Variants in NFKB1 observed in about 807,000 individuals in gnomAD.
NFKB1 encodes the protein nuclear factor NF-kappa-B p105 subunit.
NFKB1 carries 9 observed loss-of-function variants against 105.1 expected under a neutral mutation model. That is an observed-to-expected ratio of 0.09 (90% confidence interval 0.05 to 0.15). NFKB1 has a LOEUF of 0.15. Ranked by LOEUF, NFKB1 falls within the 10% of genes least tolerant of loss-of-function variation. The pLI, the probability that NFKB1 is intolerant of heterozygous loss-of-function variation, is 1.00. For missense variants in NFKB1, 830 were observed against 1,203.7 expected, an observed-to-expected ratio of 0.69 and a Z score of 4.59; for synonymous variants, 440 against 442.2, an observed-to-expected ratio of 1.00 and a Z score of 0.06.
intron 1 of NFKB1, among the ~76,000 whole-genome samples, chr4:102,513,332 C>G (rs1037085601): frequency 2.0e-5 from 3 of 152,192 alleles, no homozygotes; most frequent in Non-Finnish European, 4.4e-5. Flanking sequence ...GAGAACTTCT[C>G]TAGCTCTACA....
intron 13 of NFKB1, among the ~76,000 whole-genome samples, chr4:102,595,535 T>G (rs541577410): frequency 1.3e-5 from 2 of 152,360 alleles, no homozygotes; most frequent in East Asian, 3.9e-4. Flanking sequence ...TCATGACTGC[T>G]CTATATGGAA....
chr4:102,558,400 A>G (rs13124438), intron 5 of NFKB1, among the ~76,000 whole-genome samples: 1 of 152,162 alleles, frequency 6.6e-6, no homozygotes, highest in Non-Finnish European at 1.5e-5. Context: ...TCATTTCTGC[A>G]TAGTATTCAA....
chr4:102,577,178 G>C (rs1724894592), intron 7 of NFKB1, 139 bp downstream of exon 7: 7 of 827,738 alleles, frequency 8.5e-6, no homozygotes, highest in Non-Finnish European at 1.3e-5. Flanking sequence ...AGAAACCTTT[G>C]ATGGCATCCT....
intron 16 of NFKB1, among the ~76,000 whole-genome samples, chr4:102,602,678 A>T (rs1727288543): frequency 1.3e-5 from 2 of 152,172 alleles, no homozygotes; most frequent in South Asian, 4.1e-4. Flanking sequence ...ACCATTTTTC[A>T]TTCAATATAA....
At chr4:102,547,668 T>C (rs755629797) in intron 5 of NFKB1, among the ~76,000 whole-genome samples, 6 of 152,224 alleles carry the variant, frequency 3.9e-5, no homozygotes, top group Non-Finnish European at 8.8e-5. Context: ...TCTATTTTTA[T>C]ATAACCAAAT....
chr4:102,598,563 ATGTGGTATAAC>A (rs1726844099), intron 15 of NFKB1, among the ~76,000 whole-genome samples: 1 of 152,202 alleles, frequency 6.6e-6, no homozygotes, highest in South Asian at 2.1e-4. Flanking sequence ...GTAACCAAGG[ATGTGGTATAAC>A]CACTGGCCTT....
At chr4:102,571,557 T>C (rs539845667) in intron 6 of NFKB1, among the ~76,000 whole-genome samples, 1 of 152,274 alleles carries the variant, frequency 6.6e-6, no homozygotes, top group Non-Finnish European at 1.5e-5. Flanking sequence ...ACCTACAGAA[T>C]GGGAGAAAAT....
chr4:102,595,146 T>A (rs1726502605), intron 13 of NFKB1, among the ~76,000 whole-genome samples, 165 bp downstream of exon 13: 1 of 152,232 alleles, frequency 6.6e-6, no homozygotes, highest in Non-Finnish European at 1.5e-5. Context: ...TTATTTCCTG[T>A]GGCTAGTATA....
rs1420578617 is a variant in NFKB1 at position 102,613,587 on chromosome 4, A to C, written c.2749+6A>C. On this transcript the variant is annotated splice_donor_region_variant and intron_variant, in intron 23 of 23. Coordinates refer to ENST00000226574, the MANE Select transcript of NFKB1 (RefSeq NM_003998.4). ...CTCCACAAGGCAGCAAATAGGTAAA[A>C]AAAAAGACAAAAGACAGTGGAGATA... is the stretch of plus-strand genomic sequence containing the variant. The C allele has an allele frequency of 1.9e-6, 3 of 1,611,316 alleles. No homozygotes were observed. In the South Asian group the frequency reaches 3.3e-5, roughly 18 times the overall value.
At chr4:102,505,862 T>A (rs72929576) in intron 1 of NFKB1, among the ~76,000 whole-genome samples, 1 of 151,122 alleles carries the variant, frequency 6.6e-6, no homozygotes, top group Non-Finnish European at 1.5e-5. Flanking sequence ...ATGAATGATA[T>A]GAAGTTGTTG....
At chr4:102,569,669 A>C (rs1040853509) in intron 6 of NFKB1, among the ~76,000 whole-genome samples, 1 of 152,150 alleles carries the variant, frequency 6.6e-6, no homozygotes, top group Non-Finnish European at 1.5e-5. Flanking sequence ...TGAGAAGACA[A>C]ATAACTTTTA....
chr4:102,504,020 C>A (rs1240455896), intron 1 of NFKB1, among the ~76,000 whole-genome samples: 1 of 152,210 alleles, frequency 6.6e-6, no homozygotes, highest in East Asian at 1.9e-4. Flanking sequence ...TTATTTTTAC[C>A]TAATTTATGA....
At chr4:102,579,124 G>A (rs897483705) in intron 8 of NFKB1, 85 bp downstream of exon 8, 7 of 1,394,698 alleles carry the variant, frequency 5.0e-6, no homozygotes, top group Non-Finnish European at 4.9e-6. Context: ...TGAGTCCTGG[G>A]GAAGGTAACT....
chr4:102,611,456 T>C (rs1728406007), intron 20 of NFKB1, among the ~76,000 whole-genome samples: 1 of 152,272 alleles, frequency 6.6e-6, no homozygotes, highest in South Asian at 2.1e-4. Context: ...CTTACCCAGG[T>C]CAGCCAGCAA....
Position 102,527,697 on chromosome 4 carries a change from AT to A in NFKB1, c.40-2136del, listed in dbSNP as rs1356970910. On this transcript the variant is annotated intron_variant, in intron 2 of 23. Transcript: ENST00000226574. ...CATTTTCTTTTATTGCAGCAAAGAC[AT>A]TTGGCTAATTGTATTATCAAAACCG... Among the ~76,000 whole-genome samples, 6 of 152,106 alleles carry A rather than the reference AT, an allele frequency of 3.9e-5. 1 individual carries two copies. Among genetic ancestry groups the A allele is most frequent in the Admixed American group, 2.0e-4 (3 of 15,258 alleles).
chr4:102,596,378 G>T (rs771670126), intron 14 of NFKB1, 46 bp downstream of exon 14: 6 of 1,518,580 alleles, frequency 4.0e-6, no homozygotes. Context: ...CTGGGGAGGG[G>T]TCAGTCCTAG....
intron 10 of NFKB1, among the ~76,000 whole-genome samples, chr4:102,584,415 C>T (rs1725554440): frequency 6.6e-6 from 1 of 152,132 alleles, no homozygotes; most frequent in Non-Finnish European, 1.5e-5. Flanking sequence ...AACTAGAAGA[C>T]ATTTGAAATA....
Position 102,578,951 on chromosome 4 carries a change from G to A in NFKB1, c.642G>A (p.Arg214=). The stretch of plus-strand genomic sequence containing the variant: ...AGGAGATGGACCTCAGCGTGGTGCG[G>A]CTCATGTTTACAGCTTTTCTTCCGG... ...QTKEMDLSVV[R]LMFTAFLPDS... is the part of the protein sequence containing the mutation. The change falls in exon 8 of 24, where the codon CGG becomes CGA. Residue 214 remains arginine, a synonymous_variant. Transcript: ENST00000226574. The A allele has an allele frequency of 1.2e-6, 2 of 1,614,110 alleles. No individual in the cohort carries two copies. The highest frequency in any genetic ancestry group is 1.7e-6 in the Non-Finnish European group (2 of 1,179,996).
intron 6 of NFKB1, among the ~76,000 whole-genome samples, chr4:102,573,339 A>G (rs1158857403): frequency 6.6e-6 from 1 of 152,176 alleles, no homozygotes; most frequent in Non-Finnish European, 1.5e-5. Context: ...TGACAGTATT[A>G]TTCTTTCACA....
Sources: allele counts gnomAD v4.1 joint callset (sites outside exome capture counted in the v4.1 genomes callset), GRCh38; gene constraint gnomAD v4.1.1; transcripts MANE v1.5; gene names NCBI Gene and HGNC (gene_info 2026-07-23, HGNC 2026-07-21).